CCDC81: variants seen among roughly 807,000 people sequenced by gnomAD.
CCDC81 encodes coiled-coil domain containing 81, also known as coiled-coil domain-containing protein 81.
In CCDC81, 79 loss-of-function variants were observed where a neutral mutation model predicts 83.7. That is an observed-to-expected ratio of 0.94 (90% confidence interval 0.79 to 1.14). CCDC81 has a LOEUF of 1.14. Ranked by LOEUF, CCDC81 falls within the 50% of genes most tolerant of loss-of-function variation. The pLI is 0.00. For synonymous variants in CCDC81, 252 were observed against 278.1 expected (o/e 0.91, Z 0.93); for missense variants, 791 against 778.1 (o/e 1.02, Z -0.20).
chr11:86,411,430 T>C (rs57969352), intron 10 of CCDC81, among the ~76,000 whole-genome samples: 15,173 of 152,238 alleles, frequency 0.1, 952 homozygotes, highest in African/African-American at 0.17. Flanking sequence ...AAGGGCTTCC[T>C]AGCACTTAGC....
At chr11:86,416,765 G>A (rs1437245901) in intron 13 of CCDC81, among the ~76,000 whole-genome samples, 1 of 151,922 alleles carries the variant, frequency 6.6e-6, no homozygotes, top group Admixed American at 6.6e-5. Flanking sequence ...CAACTCCCTG[G>A]TCCTTCTCTG....
intron 1 of CCDC81, among the ~76,000 whole-genome samples, chr11:86,380,802 A>C (rs80267016): frequency 6.6e-6 from 1 of 152,032 alleles, no homozygotes; most frequent in African/African-American, 2.4e-5. Flanking sequence ...TAGGATTTCA[A>C]TCTCTCTGCT....
At position 86,393,210 on chromosome 11, in the gene CCDC81, G is replaced by A. The variant is rs149085345; in HGVS notation, c.555+413G>A. 9.5e-3 allele frequency among the ~76,000 whole-genome samples: 1,440 copies of A among 152,088 alleles called. 14 individuals carry two copies. Among genetic ancestry groups the A allele is most frequent in the African/African-American group, 0.026 (1,080 of 41,476 alleles). On this transcript the variant is annotated intron_variant, in intron 4 of 14. Transcript: ENST00000445632. The stretch of plus-strand genomic sequence containing the variant: ...CTCAAGTACCTGGAATTACAGGTGC[G>A]CGCCACCATGCCCAGCTAATTTTTG...
At chr11:86,396,588 C>T (rs58228993) in intron 5 of CCDC81, among the ~76,000 whole-genome samples, 8,064 of 152,148 alleles carry the variant, frequency 0.053, 472 homozygotes, top group African/African-American at 0.14. Context: ...GGAACAACCC[C>T]CTCCTGGAAG....
intron 7 of CCDC81, among the ~76,000 whole-genome samples, chr11:86,403,037 A>C: frequency 1.6e-5 from 1 of 63,408 alleles, no homozygotes; most frequent in South Asian, 4.7e-4. Context: ...TTTTTTTTGT[A>C]GAGATGGGGT....
intron 7 of CCDC81, among the ~76,000 whole-genome samples, chr11:86,406,599 G>A (rs990159170): frequency 4.6e-5 from 7 of 152,146 alleles, no homozygotes; most frequent in Non-Finnish European, 5.9e-5. Context: ...TAGGTCAGGA[G>A]TCCGAGACCA....
At position 86,397,749 on chromosome 11, in the gene CCDC81, C is replaced by T. The variant is rs900004791; in HGVS notation, c.757+7C>T. On this transcript the variant is annotated splice_region_variant and intron_variant, in intron 6 of 14. Coordinates refer to ENST00000445632, the MANE Select transcript of CCDC81 (RefSeq NM_001156474.2). ...AAAGAAGAAGGCACCAGAGGTAGGC[C>T]AATGATTTCTGGGTCCAATCTGTCA... The T allele has an allele frequency of 1.2e-6, 2 of 1,610,338 alleles. No homozygotes were observed. The highest frequency in any genetic ancestry group is 1.7e-6 in the Non-Finnish European group (2 of 1,178,476).
intron 10 of CCDC81, among the ~76,000 whole-genome samples, chr11:86,410,713 A>G (rs1255035516): frequency 6.6e-6 from 1 of 152,238 alleles, no homozygotes; most frequent in African/African-American, 2.4e-5. Context: ...AGACCTAAAC[A>G]GAACTTTTGA....
At chr11:86,400,144 A>G (rs7946950) in intron 6 of CCDC81, among the ~76,000 whole-genome samples, 12,419 of 151,692 alleles carry the variant, frequency 0.082, 693 homozygotes, top group East Asian at 0.24. Flanking sequence ...AAAAAAAAAA[A>G]AAAAGAAAAA....
chr11:86,418,227 A>G (rs1165999478), intron 13 of CCDC81, among the ~76,000 whole-genome samples: 1 of 152,232 alleles, frequency 6.6e-6, no homozygotes, highest in Non-Finnish European at 1.5e-5. Context: ...CGCGTTAGTG[A>G]GAAGTAGAAA....
rs757152208 is a variant in CCDC81 at position 86,375,228 on chromosome 11, C to T, written c.65C>T (p.Ser22Leu). The stretch of plus-strand genomic sequence containing the variant: ...AGGCAGGTGCTGCCCACTCTGCCCT[C>T]GCTGAGCCAGGAGGGTAAGCGTGTT... Reference protein sequence around the residue: ...LGRQVLPTLPSLSQEEVSIIW... With the variant: ...LGRQVLPTLPLLSQEEVSIIW... The change falls in exon 1 of 15, where the codon TCG becomes TTG. Residue 22 changes from serine (S) to leucine (L), a missense_variant. By Grantham distance (145) the Ser-to-Leu change is moderately radical. Transcript: ENST00000445632. The T allele has an allele frequency of 5.0e-6, 8 of 1,611,212 alleles. No individual in the cohort carries two copies. The highest frequency in any genetic ancestry group is 6.8e-6 in the Non-Finnish European group (8 of 1,179,756).
intron 10 of CCDC81, 115 bp from the exon 11 acceptor site, chr11:86,412,272 G>A (rs950798910): frequency 6.0e-6 from 5 of 834,276 alleles, no homozygotes; most frequent in Non-Finnish European, 3.7e-6. Context: ...GTGTGTTGAG[G>A]GCTGGGCAAA....
chr11:86,422,182 G>T (rs1235298831), intron 14 of CCDC81, among the ~76,000 whole-genome samples: 1 of 152,148 alleles, frequency 6.6e-6, no homozygotes, highest in Non-Finnish European at 1.5e-5. Flanking sequence ...CAACTTAATG[G>T]TTGATCTGCC....
Position 86,387,688 on chromosome 11 carries a change from A to G in CCDC81, c.298+16A>G, listed in dbSNP as rs756744234. On this transcript the variant is annotated intron_variant, in intron 3 of 14. Transcript: ENST00000445632. ...TATACTCCTGGTAAATAATTCTGAT[A>G]TGTAGGATTTTCCCAGAAGGTTACT... is the stretch of plus-strand genomic sequence containing the variant. 1 of 1,567,772 alleles carries G rather than the reference A, an allele frequency of 6.4e-7. No homozygotes were observed. The highest frequency in any genetic ancestry group is 1.1e-5 in the South Asian group (1 of 87,194).
intron 1 of CCDC81, among the ~76,000 whole-genome samples, chr11:86,383,444 A>G (rs1565757558): frequency 6.6e-6 from 1 of 152,220 alleles, no homozygotes; most frequent in Non-Finnish European, 1.5e-5. Context: ...TTTTTAAATA[A>G]TGATCATATG....
At chr11:86,401,953 G>A (rs1246529962) in intron 7 of CCDC81, among the ~76,000 whole-genome samples, 2 of 151,766 alleles carry the variant, frequency 1.3e-5, no homozygotes, top group Admixed American at 6.6e-5. Context: ...TGGCTAACAC[G>A]GTGAAACTCT....
intron 10 of CCDC81, among the ~76,000 whole-genome samples, chr11:86,410,058 C>T (rs753012641): frequency 6.6e-6 from 1 of 152,202 alleles, no homozygotes; most frequent in Non-Finnish European, 1.5e-5. Flanking sequence ...CCTGAATGGG[C>T]ATCTATGGTG....
chr11:86,405,647 A>AT (rs1215784711), intron 7 of CCDC81, among the ~76,000 whole-genome samples: 9 of 151,610 alleles, frequency 5.9e-5, no homozygotes, highest in African/African-American at 9.7e-5. Context: ...CCAAACCTGT[A>AT]TTTTTTTTGT....
rs1948589013 is a variant in CCDC81, at chr11:86,408,195, G to A, written c.1038G>A (p.Arg346=). 26 of 1,614,030 alleles carry A rather than the reference G, an allele frequency of 1.6e-5. No homozygotes were observed. Among genetic ancestry groups the A allele is most frequent in the Non-Finnish European group, 2.2e-5 (26 of 1,179,930 alleles). The change falls in exon 9 of 15, where the codon AGG becomes AGA. Residue 346 remains arginine (R), a synonymous_variant. Transcript: ENST00000445632. ...NSLLYYSEER[R]REIEDERLIQ... is the part of the protein sequence containing the mutation. ...TGTTGTACTACAGTGAGGAAAGGAG[G>A]AGAGAGATAGAAGATGAGAGACTCA...
Sources: allele counts gnomAD v4.1 joint callset (sites outside exome capture counted in the v4.1 genomes callset), GRCh38; gene constraint gnomAD v4.1.1; transcripts MANE v1.5; gene names NCBI Gene and HGNC (gene_info 2026-07-23, HGNC 2026-07-21).